CAPS2: variants seen among roughly 807,000 people sequenced by gnomAD.
CAPS2 encodes the protein calcyphosine 2.
In CAPS2, 98 loss-of-function variants were observed where a neutral mutation model predicts 86.5. The ratio of observed to expected loss-of-function variants is 1.13; its 90% confidence interval spans 0.96 to 1.34. The LOEUF (loss-of-function observed/expected upper bound fraction) is 1.34, where lower values mean the gene tolerates loss of function less well. Ranked by LOEUF, CAPS2 falls within the 40% of genes most tolerant of loss-of-function variation. The probability of loss-of-function intolerance (pLI) is 0.00; values close to 1 mark genes in which losing one functional copy is unlikely to be tolerated. For synonymous variants in CAPS2, 210 were observed against 225.1 expected, an observed-to-expected ratio of 0.93 and a Z score of 0.60; for missense variants, 729 against 686.8, an observed-to-expected ratio of 1.06 and a Z score of -0.69.
upstream of CAPS2, among the ~76,000 whole-genome samples, chr12:75,331,128 A>G (rs1056479655): frequency 6.6e-6 from 1 of 151,720 alleles, no homozygotes; most frequent in Non-Finnish European, 1.5e-5. Context: ...CTTGGCATCA[A>G]CTCCTCATCT....
intron 1 of CAPS2, among the ~76,000 whole-genome samples, chr12:75,374,150 T>C (rs919950417): frequency 2.0e-5 from 3 of 152,146 alleles, no homozygotes; most frequent in Admixed American, 6.5e-5. Context: ...AACAACATCT[T>C]ATCTGCCACT....
intron 14 of CAPS2, among the ~76,000 whole-genome samples, chr12:75,286,647 T>G (rs1202839834): frequency 6.6e-6 from 1 of 151,876 alleles, no homozygotes; most frequent in African/African-American, 2.4e-5. Flanking sequence ...AGGGTACATA[T>G]CAATTTTTTT....
chr12:75,334,616 C>A (rs551059723), upstream of CAPS2: 1,193 of 1,497,184 alleles, frequency 8.0e-4, 8 homozygotes, highest in Non-Finnish European at 3.9e-4. Context: ...CGAGCCTGTG[C>A]GGCAGGATGG....
exon 17 of CAPS2, chr12:75,277,221 T>C (rs955854899): frequency 2.0e-6 from 2 of 977,396 alleles, no homozygotes; most frequent in African/African-American, 3.5e-5. Flanking sequence ...TTTTTTTTTT[T>C]TTTTACAGTA....
chr12:75,350,148 G>A (rs116452812), intron 1 of CAPS2, among the ~76,000 whole-genome samples: 5 of 152,328 alleles, frequency 3.3e-5, no homozygotes, highest in South Asian at 4.1e-4. Flanking sequence ...TTCTTTAAGC[G>A]AGACCCTGAC....
intron 1 of CAPS2, among the ~76,000 whole-genome samples, chr12:75,373,278 G>A (rs1344949510): frequency 6.6e-6 from 1 of 152,170 alleles, no homozygotes; most frequent in Non-Finnish European, 1.5e-5. Context: ...GTTGAGTGGT[G>A]TTCACAGAAT....
intron 7 of CAPS2, chr12:75,305,533 G>C: frequency 6.5e-6 from 4 of 619,758 alleles, no homozygotes; most frequent in Non-Finnish European, 1.2e-5. Flanking sequence ...TAGGGTTCCG[G>C]TAGGCGTTCC....
rs772498427 is a variant in CAPS2, at chr12:75,326,382, A to C, written c.81+36T>G. 1.1e-5 allele frequency: 9 copies of C among 803,648 alleles called. 1 individual carries two copies. The African/African-American group carries it at 1.6e-4, about 14-fold the overall frequency. 49.8% of individuals were successfully genotyped at this position (803,648 alleles called of 1,614,324 possible). A position where few individuals can be genotyped will look rare whatever the true frequency, so the allele number is the denominator to read the frequency against. ...AAGGTAAAAAAATTATTTATAAGTCATCCTGAAAGAAGAAAATTATATAGA... is the reference window on the plus strand; with the variant it reads ...AAGGTAAAAAAATTATTTATAAGTCCTCCTGAAAGAAGAAAATTATATAGA... On this transcript the variant is annotated intron_variant, in intron 1 of 16. Coordinates refer to ENST00000393284, the Ensembl canonical transcript of CAPS2.
At chr12:75,299,993 G>A (rs1262185179) in intron 8 of CAPS2, 82 bp from the exon 9 acceptor site, 3 of 556,462 alleles carry the variant, frequency 5.4e-6, no homozygotes, top group Non-Finnish European at 9.2e-6. Flanking sequence ...AAAAAGTTAT[G>A]TTAATATTTT....
upstream of CAPS2, among the ~76,000 whole-genome samples, chr12:75,327,568 GT>G (rs909200514): frequency 1.6e-4 from 24 of 151,460 alleles, no homozygotes; most frequent in Non-Finnish European, 2.9e-4. Flanking sequence ...AATTATTTCT[GT>G]TTTGTTTTTT....
At chr12:75,316,991 C>A (rs563865075) in intron 5 of CAPS2, among the ~76,000 whole-genome samples, 14 of 152,242 alleles carry the variant, frequency 9.2e-5, no homozygotes, top group African/African-American at 3.1e-4. Flanking sequence ...AAAATAGCAA[C>A]TTTTCAAAAA....
chr12:75,305,679 C>T (rs1210129802), intron 7 of CAPS2: 8 of 654,816 alleles, frequency 1.2e-5, no homozygotes, highest in South Asian at 2.7e-5. Flanking sequence ...ACTGCCCAGT[C>T]TGGCCCGGCA....
intron 1 of CAPS2, among the ~76,000 whole-genome samples, chr12:75,367,959 G>A (rs1174840597): frequency 6.6e-6 from 1 of 151,952 alleles, no homozygotes; most frequent in African/African-American, 2.4e-5. Flanking sequence ...GGTTATAAAA[G>A]TTTTCTCTTT....
At position 75,293,371 on chromosome 12, in the gene CAPS2, A is replaced by T. The variant is rs778673197; in HGVS notation, c.1045-4T>A. 3.2e-6 allele frequency: 5 copies of T among 1,546,198 alleles called. No homozygotes were observed. The South Asian group carries it at 5.7e-5, about 18-fold the overall frequency. On this transcript the variant is annotated splice_region_variant and splice_polypyrimidine_tract_variant and intron_variant, in intron 11 of 16. Coordinates refer to ENST00000393284, the Ensembl canonical transcript of CAPS2. ...TCAAAAATGTCAAGGTTGCACCCTA[A>T]ACAAAAGAACAGATGAATGAAGCTA... is the stretch of plus-strand genomic sequence containing the variant.
downstream of CAPS2, chr12:75,276,384 A>G (rs2032935720): frequency 2.2e-6 from 3 of 1,367,964 alleles, no homozygotes; most frequent in East Asian, 2.9e-5. Flanking sequence ...AATACTTGAT[A>G]ACAAACAACT....
intron 6 of CAPS2, among the ~76,000 whole-genome samples, chr12:75,313,608 A>T (rs2138842741): frequency 6.6e-6 from 1 of 152,316 alleles, no homozygotes; most frequent in South Asian, 2.1e-4. Context: ...AAATTATATT[A>T]TCCTGCAACT....
intron 16 of CAPS2, 71 bp from the exon 17 acceptor site, chr12:75,279,136 A>T: frequency 5.7e-6 from 7 of 1,237,500 alleles, no homozygotes; most frequent in Non-Finnish European, 7.8e-6. Context: ...TGATAAAGGA[A>T]TACTTAATCA....
intron 1 of CAPS2, among the ~76,000 whole-genome samples, chr12:75,376,708 T>C (rs1456218912): frequency 6.6e-6 from 1 of 152,208 alleles, no homozygotes; most frequent in Non-Finnish European, 1.5e-5. Context: ...TTCCAAGTTG[T>C]AGGGTCCCAT....
At chr12:75,320,957 A>C (rs962810593) in intron 5 of CAPS2, among the ~76,000 whole-genome samples, 2 of 152,026 alleles carry the variant, frequency 1.3e-5, no homozygotes, top group Non-Finnish European at 2.9e-5. Flanking sequence ...ATTTCCCATA[A>C]TGAGACAAAA....
Sources: allele counts gnomAD v4.1 joint callset (sites outside exome capture counted in the v4.1 genomes callset), GRCh38; gene constraint gnomAD v4.1.1; transcripts MANE v1.5; gene names NCBI Gene and HGNC (gene_info 2026-07-23, HGNC 2026-07-21).